NSD1: variants seen among roughly 807,000 people sequenced by gnomAD.
The protein encoded by NSD1 is histone-lysine N-methyltransferase, H3 lysine-36 specific.
A neutral mutation model predicts 242.7 loss-of-function variants in NSD1; 26 were observed. The observed-to-expected ratio is 0.11, with a 90% CI of 0.08 to 0.15. NSD1 has a LOEUF of 0.15. Ranked by LOEUF, NSD1 falls within the 10% of genes least tolerant of loss-of-function variation. The pLI, the probability that NSD1 is intolerant of heterozygous loss-of-function variation, is 1.00. For synonymous variants in NSD1, 1,106 were observed against 1,178.1 expected, an observed-to-expected ratio of 0.94 and a Z score of 1.25; for missense variants, 2,495 against 3,272.8, an observed-to-expected ratio of 0.76 and a Z score of 5.80.
intron 5 of NSD1, among the ~76,000 whole-genome samples, chr5:177,221,521 G>C (rs943871201): frequency 6.6e-6 from 1 of 151,800 alleles, no homozygotes; most frequent in African/African-American, 2.4e-5. Context: ...GCCCAGGCTG[G>C]AGTGCAGTGG....
intron 2 of NSD1, among the ~76,000 whole-genome samples, chr5:177,157,593 G>T (rs2149784370): frequency 6.6e-6 from 1 of 152,208 alleles, no homozygotes; most frequent in Middle Eastern, 3.4e-3. Context: ...ACCTACTCAG[G>T]ACGCTGAGTC....
intron 20 of NSD1, among the ~76,000 whole-genome samples, chr5:177,286,355 C>A (rs1759329372): frequency 6.6e-6 from 1 of 152,214 alleles, no homozygotes; most frequent in Non-Finnish European, 1.5e-5. Flanking sequence ...ACCAAGGACA[C>A]TTGAGCATCA....
intron 5 of NSD1, among the ~76,000 whole-genome samples, chr5:177,214,392 G>A (rs1646688676): frequency 6.6e-6 from 1 of 152,114 alleles, no homozygotes; most frequent in African/African-American, 2.4e-5. Flanking sequence ...GTATTATAGT[G>A]TCATGAATCA....
At chr5:177,189,459 A>G (rs17077789) in intron 2 of NSD1, among the ~76,000 whole-genome samples, 9,016 of 152,306 alleles carry the variant, frequency 0.059, 625 homozygotes, top group African/African-American at 0.17. Context: ...AGACAGAACC[A>G]ACAACATGTG....
At chr5:177,206,048 G>A (rs1010841261) in intron 4 of NSD1, among the ~76,000 whole-genome samples, 3 of 151,904 alleles carry the variant, frequency 2.0e-5, no homozygotes, top group Non-Finnish European at 2.9e-5. Context: ...CACCCAGGCC[G>A]GAGTACAATG....
At position 177,297,222 on chromosome 5, in the gene NSD1, C is replaced by T. The variant is rs1483234048; in HGVS notation, c.*1763C>T. The T allele has an allele frequency of 8.6e-6, 2 of 232,280 alleles. No homozygotes were observed. The highest frequency in any genetic ancestry group is 2.2e-5 in the African/African-American group (1 of 45,250). The allele number at this position is 232,280 out of a possible 1,614,324, so 14.4% of individuals were successfully genotyped here. On this transcript the variant is annotated 3_prime_UTR_variant, in exon 23 of 23. Coordinates refer to ENST00000439151, the MANE Select transcript of NSD1 (RefSeq NM_022455.5). Reference sequence around the variant, plus strand: ...CTATCCCTGCATTTCACTGAGACCTCGGAATCTCCTCTGTGAATTCCACCT... The same window carrying T: ...CTATCCCTGCATTTCACTGAGACCTTGGAATCTCCTCTGTGAATTCCACCT...
intron 2 of NSD1, among the ~76,000 whole-genome samples, chr5:177,165,885 A>G (rs910868815): frequency 3.3e-5 from 5 of 149,640 alleles, no homozygotes; most frequent in African/African-American, 7.4e-5. Flanking sequence ...GATTATGCGC[A>G]TGATCGCTGC....
At chr5:177,255,269 C>T (rs563162265) in intron 12 of NSD1, among the ~76,000 whole-genome samples, 13 of 151,346 alleles carry the variant, frequency 8.6e-5, no homozygotes, top group African/African-American at 2.9e-4. Flanking sequence ...CATGCCACTG[C>T]ACTCCATCCT....
chr5:177,254,868 T>G (rs1485654673), intron 12 of NSD1, among the ~76,000 whole-genome samples: 1 of 152,152 alleles, frequency 6.6e-6, no homozygotes. Flanking sequence ...AATTTGTGGG[T>G]TTTTTTCTCT....
intron 3 of NSD1, among the ~76,000 whole-genome samples, chr5:177,203,534 A>G (rs1004763138): frequency 1.3e-5 from 2 of 152,188 alleles, no homozygotes; most frequent in African/African-American, 4.8e-5. Context: ...TGAACTTACT[A>G]TATCTAAAAT....
chr5:177,186,233 A>G (rs1209520686), intron 2 of NSD1, among the ~76,000 whole-genome samples: 5 of 147,998 alleles, frequency 3.4e-5, no homozygotes, highest in Non-Finnish European at 5.9e-5. Context: ...GGAAGCTGCA[A>G]TGGGCTGTGA....
intron 2 of NSD1, among the ~76,000 whole-genome samples, chr5:177,190,999 GTC>G (rs1205346430): frequency 4.9e-5 from 6 of 123,512 alleles, no homozygotes; most frequent in East Asian, 2.4e-4. Flanking sequence ...TTTTTGAAGA[GTC>G]TCTCTGTCGC....
At position 177,294,679 on chromosome 5, in the gene NSD1, A is replaced by C. The variant is rs1254527069; in HGVS notation, c.7311A>C (p.Lys2437Asn). The change falls in exon 23 of 23, where the codon AAA becomes AAC. Residue 2437 changes from lysine (K) to asparagine (N), a missense_variant. By Grantham distance (94) the Lys-to-Asn change is moderately conservative (BLOSUM62 0). Coordinates refer to ENST00000439151, the MANE Select transcript of NSD1 (RefSeq NM_022455.5). ...TCCAGACCCTTGTAGCTAAAGAAAA[A>C]GCACTGAGGCCTGTGGACCAGAATA... ...AVVQTLVAKE[K>N]ALRPVDQNTQ... is the part of the protein sequence containing the mutation. The C allele has an allele frequency of 6.2e-7, 1 of 1,614,238 alleles. No individual in the cohort carries two copies.
intron 4 of NSD1, among the ~76,000 whole-genome samples, chr5:177,207,681 C>T (rs1398383698): frequency 2.1e-5 from 3 of 146,328 alleles, no homozygotes; most frequent in East Asian, 2.0e-4. Context: ...CCTCCTGCCT[C>T]AGCCTCGCAA....
At chr5:177,161,493 A>T (rs964765370) in intron 2 of NSD1, among the ~76,000 whole-genome samples, 37 of 151,822 alleles carry the variant, frequency 2.4e-4, no homozygotes, top group African/African-American at 6.3e-4. Context: ...TTTTTAAAAA[A>T]TTTTTTTCTA....
At chr5:177,165,257 C>T (rs928340566) in intron 2 of NSD1, among the ~76,000 whole-genome samples, 2 of 151,920 alleles carry the variant, frequency 1.3e-5, no homozygotes, top group African/African-American at 2.4e-5. Context: ...CTACAGCCTC[C>T]ACCTTCCAGG....
intron 6 of NSD1, among the ~76,000 whole-genome samples, chr5:177,236,647 T>C (rs189338878): frequency 3.3e-4 from 50 of 152,370 alleles, no homozygotes; most frequent in African/African-American, 1.2e-3. Context: ...GTGTAATTGC[T>C]TCCTCATAGG....
intron 20 of NSD1, 40 bp downstream of exon 20, chr5:177,283,968 T>C (rs763156746): frequency 1.2e-6 from 2 of 1,612,764 alleles, no homozygotes; most frequent in South Asian, 2.2e-5. Context: ...ACATCTGAAT[T>C]TCAGGGCTTT....
rs183029968 is a variant in NSD1, at chr5:177,299,366, G to C, written c.*3907G>C. 1.7e-5 allele frequency: 4 copies of C among 233,250 alleles called. No homozygotes were observed. In the East Asian group the frequency reaches 2.4e-4, roughly 14 times the overall value. The allele number at this position is 233,250 out of a possible 1,614,324, so 14.4% of individuals were successfully genotyped here. On this transcript the variant is annotated 3_prime_UTR_variant, in exon 23 of 23. Coordinates refer to ENST00000439151, the MANE Select transcript of NSD1 (RefSeq NM_022455.5). ...TGAAGCCTGCACCCAACCCTGGAGT[G>C]GCCCAGTGCAATCCAGAGGTGGAAG... is the stretch of plus-strand genomic sequence containing the variant.
Sources: allele counts gnomAD v4.1 joint callset (sites outside exome capture counted in the v4.1 genomes callset), GRCh38; gene constraint gnomAD v4.1.1; transcripts MANE v1.5; gene names NCBI Gene and HGNC (gene_info 2026-07-23, HGNC 2026-07-21).